PSMA1: variants seen among roughly 807,000 people sequenced by gnomAD.
The protein encoded by PSMA1 is proteasome subunit alpha type-1.
PSMA1 carries 3 observed loss-of-function variants against 38.4 expected under a neutral mutation model. The observed-to-expected ratio is 0.08, with a 90% CI of 0.04 to 0.20. PSMA1 has a LOEUF of 0.20. Ranked by LOEUF, PSMA1 falls within the 10% of genes least tolerant of loss-of-function variation. The pLI is 1.00. For missense variants in PSMA1, 227 were observed against 325.3 expected (o/e 0.70, Z 2.32); for synonymous variants, 101 against 107.1 (o/e 0.94, Z 0.35).
At chr11:14,511,039 G>T (rs1851334311) in intron 7 of PSMA1, 88 bp from the exon 8 acceptor site, 2 of 886,344 alleles carry the variant, frequency 2.3e-6, no homozygotes, top group African/African-American at 1.8e-5. Flanking sequence ...TCAAATTGTG[G>T]TTTTTAGTTA....
chr11:14,526,015 C>T lies in PSMA1; in HGVS notation c.22-6974G>A, dbSNP rs181961318. Among the ~76,000 whole-genome samples the T allele has an allele frequency of 1.8e-3, 267 of 152,260 alleles. 2 individuals are homozygous for T. The highest frequency in any genetic ancestry group is 0.014 in the Admixed American group (208 of 15,298). On this transcript the variant is annotated intron_variant, in intron 2 of 10. Transcript: ENST00000418988. ...TTCTCCAAAGGATATCGGGTATCCCCCTCCAAAGCTCAAATTTCTTCTCCA... is the reference window on the plus strand; with the variant it reads ...TTCTCCAAAGGATATCGGGTATCCCTCTCCAAAGCTCAAATTTCTTCTCCA...
In PSMA1 at chr11:14,507,695, G is replaced by A. The variant is rs138837188; in HGVS notation, c.696C>T (p.Phe232=). 1 of 1,612,522 alleles carries A rather than the reference G, an allele frequency of 6.2e-7. No individual in the cohort carries two copies. Among genetic ancestry groups the A allele is most frequent in the South Asian group, 1.1e-5 (1 of 91,006 alleles). Residue 232 remains phenylalanine, a synonymous_variant, in exon 9 of 10, where the codon TTC becomes TTT. Transcript: ENST00000396394. ...TIYDDDDVSP[F]LEGLEERPQR... is the part of the protein sequence containing the mutation. ...GTGGTCTTTCTTCAAGACCTTCCAG[G>A]AATGGAGACACATCATCATCATCAT... is the stretch of plus-strand genomic sequence containing the variant.
chr11:14,512,446 T>A (rs970414922), intron 7 of PSMA1, among the ~76,000 whole-genome samples: 2 of 152,222 alleles, frequency 1.3e-5, no homozygotes, highest in Non-Finnish European at 2.9e-5. Context: ...AGATGCTTTG[T>A]ATCATCAAAG....
At chr11:14,553,668 A>G (rs1589991014) in intron 2 of PSMA1, among the ~76,000 whole-genome samples, 1 of 151,844 alleles carries the variant, frequency 6.6e-6, no homozygotes, top group South Asian at 2.1e-4. Flanking sequence ...TCTTTTTATT[A>G]CTGAGTAGTA....
At chr11:14,567,381 A>G (rs1223898052) in intron 2 of PSMA1, among the ~76,000 whole-genome samples, 1 of 152,234 alleles carries the variant, frequency 6.6e-6, no homozygotes, top group African/African-American at 2.4e-5. Flanking sequence ...CTCAGATTTG[A>G]GCATGGCAGA....
At chr11:14,577,264 T>A (rs1441875162) in intron 2 of PSMA1, among the ~76,000 whole-genome samples, 1 of 152,190 alleles carries the variant, frequency 6.6e-6, no homozygotes, top group Non-Finnish European at 1.5e-5. Flanking sequence ...AGAGGAGAAA[T>A]CTGCTCATGG....
At chr11:14,520,078 C>T (rs1851502410) in intron 1 of PSMA1, 1 of 675,276 alleles carries the variant, frequency 1.5e-6, no homozygotes, top group Non-Finnish European at 2.5e-6. Context: ...TCGGAGGCTC[C>T]CCGGGAAGCG....
intron 2 of PSMA1, among the ~76,000 whole-genome samples, chr11:14,604,191 C>G (rs1180235559): frequency 6.6e-6 from 1 of 152,196 alleles, no homozygotes; most frequent in Non-Finnish European, 1.5e-5. Context: ...TCCTGAGTAG[C>G]TGGGATTACA....
At chr11:14,508,381 TC>T (rs1851281815) in intron 8 of PSMA1, among the ~76,000 whole-genome samples, 1 of 152,018 alleles carries the variant, frequency 6.6e-6, no homozygotes, top group Non-Finnish European at 1.5e-5. Context: ...GGCCAACCCT[TC>T]CACCTATGTA....
chr11:14,535,324 A>C (rs569311731), intron 2 of PSMA1, among the ~76,000 whole-genome samples: 1 of 152,244 alleles, frequency 6.6e-6, no homozygotes, highest in South Asian at 2.1e-4. Flanking sequence ...GCCATGGCAC[A>C]CTTGAGTTGT....
chr11:14,532,093 G>A (rs1851653436), intron 2 of PSMA1, among the ~76,000 whole-genome samples: 1 of 145,458 alleles, frequency 6.9e-6, no homozygotes, highest in Non-Finnish European at 1.5e-5. Context: ...CAGGGTACAG[G>A]AGTTATCCAA....
At chr11:14,624,430 C>T (rs1342971472) in intron 1 of PSMA1, among the ~76,000 whole-genome samples, 1 of 152,136 alleles carries the variant, frequency 6.6e-6, no homozygotes, top group African/African-American at 2.4e-5. Flanking sequence ...ACACAATGGC[C>T]ATCGATGGGT....
intron 2 of PSMA1, among the ~76,000 whole-genome samples, chr11:14,586,609 A>C (rs1168025734): frequency 1.3e-5 from 2 of 152,128 alleles, no homozygotes; most frequent in African/African-American, 2.4e-5. Context: ...GCCCAAGGGA[A>C]AATACTTAGG....
At chr11:14,612,942 A>T (rs1030745633) in intron 1 of PSMA1, among the ~76,000 whole-genome samples, 1 of 152,106 alleles carries the variant, frequency 6.6e-6, no homozygotes, top group Non-Finnish European at 1.5e-5. Context: ...GTGATAAAAG[A>T]TGCAGTGTCA....
intron 2 of PSMA1, among the ~76,000 whole-genome samples, chr11:14,561,157 A>C (rs780218226): frequency 6.6e-6 from 1 of 152,224 alleles, no homozygotes. Flanking sequence ...ATTATTTAGA[A>C]AATAAAAAGA....
exon 2 of PSMA1, chr11:14,611,077 C>A: frequency 7.3e-7 from 1 of 1,362,164 alleles, no homozygotes; most frequent in South Asian, 1.2e-5. Flanking sequence ...CTTGGAGGGC[C>A]AAGGCCTTTA....
intron 2 of PSMA1, among the ~76,000 whole-genome samples, chr11:14,528,875 CT>C (rs1227627394): frequency 3.3e-5 from 5 of 152,294 alleles, no homozygotes; most frequent in Middle Eastern, 6.8e-3. Flanking sequence ...GATCCACCCC[CT>C]GCCCCTAAAA....
At chr11:14,598,424 G>T (rs1185415248) in intron 2 of PSMA1, among the ~76,000 whole-genome samples, 1 of 152,062 alleles carries the variant, frequency 6.6e-6, no homozygotes, top group African/African-American at 2.4e-5. Flanking sequence ...ATGAATTTGG[G>T]TGCTCCTGTA....
At chr11:14,509,349 C>A (rs1285972355) in intron 8 of PSMA1, among the ~76,000 whole-genome samples, 1 of 152,150 alleles carries the variant, frequency 6.6e-6, no homozygotes, top group Non-Finnish European at 1.5e-5. Context: ...GCTGTAATTT[C>A]AAAAGATATC....
Sources: allele counts gnomAD v4.1 joint callset (sites outside exome capture counted in the v4.1 genomes callset), GRCh38; gene constraint gnomAD v4.1.1; transcripts MANE v1.5; gene names NCBI Gene and HGNC (gene_info 2026-07-23, HGNC 2026-07-21).